Variants in CHD1L observed in about 807,000 individuals in gnomAD.
CHD1L encodes the protein ATP-dependent chromatin remodeler CHD1L.
CHD1L carries 118 observed loss-of-function variants against 115.9 expected under a neutral mutation model. The observed-to-expected ratio is 1.02, with a 90% CI of 0.88 to 1.19. The LOEUF (loss-of-function observed/expected upper bound fraction) is 1.19. CHD1L is among the 50% of genes most tolerant of loss of function. The pLI, the probability that CHD1L is intolerant of heterozygous loss-of-function variation, is 0.00. For missense variants in CHD1L, 1,179 were observed against 1,065.3 expected (o/e 1.11, Z -1.49); for synonymous variants, 411 against 387.1 (o/e 1.06, Z -0.72).
the CHD1L span, chr1:147,215,444 T>A: frequency 3.8e-6 from 1 of 260,494 alleles, no homozygotes; most frequent in Non-Finnish European, 7.3e-6. Flanking sequence ...TACCTATCAG[T>A]TCCCTTCTGT....
At chr1:147,293,546 G>T (rs1572240940) in intron 20 of CHD1L, 62 bp from the exon 21 acceptor site, 1 of 1,423,032 alleles carries the variant, frequency 7.0e-7, no homozygotes, top group East Asian at 2.3e-5. Flanking sequence ...TCCATGGGCG[G>T]TCACTTGGTT....
At chr1:147,254,823 T>C in intron 2 of CHD1L, 47 bp from the exon 3 acceptor site, 1 of 1,372,742 alleles carries the variant, frequency 7.3e-7, no homozygotes, top group African/African-American at 1.5e-5. Context: ...TGGTTGTTTC[T>C]CATGGGGAAA....
chr1:147,198,590 C>T, the CHD1L span, among the ~76,000 whole-genome samples: 1 of 151,870 alleles, frequency 6.6e-6, no homozygotes, highest in East Asian at 1.9e-4. Context: ...GTGACTCATG[C>T]CTGTAATCCC....
chr1:147,255,373 G>A (rs951778459), intron 3 of CHD1L, among the ~76,000 whole-genome samples: 4 of 152,056 alleles, frequency 2.6e-5, no homozygotes, highest in African/African-American at 7.2e-5. Context: ...GATTACAGGC[G>A]TGCGTCACCA....
chr1:147,257,188 G>A (rs587643162), intron 5 of CHD1L, among the ~76,000 whole-genome samples: 131 of 151,180 alleles, frequency 8.7e-4, no homozygotes, highest in African/African-American at 3.0e-3. Flanking sequence ...TATGTTGACA[G>A]GGTTTCATTC....
chr1:147,253,235 A>C (rs1668982329), intron 2 of CHD1L, among the ~76,000 whole-genome samples: 1 of 152,204 alleles, frequency 6.6e-6, no homozygotes. Context: ...TTCTTGCTAG[A>C]ATTCACTAGT....
chr1:147,212,247 GGTAAT>G, the CHD1L span: 1 of 752,938 alleles, frequency 1.3e-6, no homozygotes. Flanking sequence ...TGCCAACTGA[GGTAAT>G]GAAACGAAGC....
At chr1:147,272,633 A>G (rs6685775) in intron 12 of CHD1L, among the ~76,000 whole-genome samples, 12,405 of 152,302 alleles carry the variant, frequency 0.081, 639 homozygotes, top group East Asian at 0.16. Flanking sequence ...GAAATAAGGT[A>G]ACAGTTTGTC....
chr1:147,224,788 G>T, the CHD1L span: 1 of 1,037,526 alleles, frequency 9.6e-7, no homozygotes, highest in East Asian at 2.4e-5. Context: ...AGGATTACAG[G>T]CGTGTGCCAA....
At chr1:147,209,678 A>G in the CHD1L span, 2 of 152,320 alleles carry the variant, frequency 1.3e-5, no homozygotes, top group East Asian at 3.9e-4. Flanking sequence ...AAGCCTGTTC[A>G]TTTTTAAGAC....
chr1:147,293,654 C>CT lies in CHD1L; in HGVS notation c.2439dup (p.Gly814TrpfsTer3), dbSNP rs1686446850. The CT allele has an allele frequency of 2.5e-6, 4 of 1,614,138 alleles. No individual in the cohort carries two copies. In the African/African-American group the frequency reaches 5.3e-5, roughly 22 times the overall value. The stretch of plus-strand genomic sequence containing the variant: ...CATCGTGATCGTTCCAATGTCCTGT[C>CT]TGGCATTAAGATGGCAGCCCTAGAA... On this transcript the variant is annotated frameshift_variant, in exon 21 of 23. Coordinates refer to ENST00000369258, the MANE Select transcript of CHD1L (RefSeq NM_004284.6). LOFTEE classifies it high-confidence loss of function.
At chr1:147,274,863 TATC>T (rs768153792) in intron 12 of CHD1L, among the ~76,000 whole-genome samples, 20 of 152,314 alleles carry the variant, frequency 1.3e-4, no homozygotes, top group Non-Finnish European at 2.6e-4. Context: ...AGGAGTATAA[TATC>T]ATCCACTCTT....
intron 10 of CHD1L, 21 bp from the exon 11 acceptor site, chr1:147,270,911 T>G: frequency 6.2e-7 from 1 of 1,611,088 alleles, no homozygotes; most frequent in Non-Finnish European, 8.5e-7. Context: ...TGGCAGTGTT[T>G]CCTTTTCTTT....
intron 22 of CHD1L, 23 bp downstream of exon 22, chr1:147,294,540 G>T: frequency 6.4e-7 from 1 of 1,570,724 alleles, no homozygotes; most frequent in Non-Finnish European, 8.7e-7. Flanking sequence ...GATCTTCATT[G>T]TGTGTTCTCC....
chr1:147,185,884 T>C, the CHD1L span, among the ~76,000 whole-genome samples: 1 of 152,216 alleles, frequency 6.6e-6, no homozygotes, highest in East Asian at 1.9e-4. Context: ...TCATTTGCTC[T>C]GTTTTTCAGA....
the CHD1L span, among the ~76,000 whole-genome samples, chr1:147,235,209 A>C: frequency 6.6e-6 from 1 of 152,028 alleles, no homozygotes; most frequent in Non-Finnish European, 1.5e-5. Flanking sequence ...AGACACCCCA[A>C]GCAAATGAGA....
chr1:147,279,848 A>G (rs587664863), intron 14 of CHD1L, among the ~76,000 whole-genome samples, 178 bp from the exon 15 acceptor site: 2 of 152,294 alleles, frequency 1.3e-5, no homozygotes, highest in East Asian at 1.9e-4. Context: ...CTGCTTACCC[A>G]TCATCCAACT....
At chr1:147,176,105 C>G in the CHD1L span, 1 of 151,818 alleles carries the variant, frequency 6.6e-6, no homozygotes, top group East Asian at 1.9e-4. Flanking sequence ...AAAATTATGC[C>G]TAAATTAAAA....
chr1:147,271,952 AT>A (rs1366579205), intron 11 of CHD1L, among the ~76,000 whole-genome samples: 12 of 152,258 alleles, frequency 7.9e-5, no homozygotes, highest in Admixed American at 2.6e-4. Flanking sequence ...AACTGCATGT[AT>A]TTAAAAAATC....
Sources: allele counts gnomAD v4.1 joint callset (sites outside exome capture counted in the v4.1 genomes callset), GRCh38; gene constraint gnomAD v4.1.1; transcripts MANE v1.5; gene names NCBI Gene and HGNC (gene_info 2026-07-23, HGNC 2026-07-21).